The following XPR1 variants were observed in gnomAD, a reference collection of about 807,000 sequenced individuals.
XPR1 encodes the protein xenotropic and polytropic retrovirus receptor 1, also known as solute carrier family 53 member 1.
XPR1 carries 28 observed loss-of-function variants against 87.5 expected under a neutral mutation model. The observed-to-expected ratio is 0.32, with a 90% CI of 0.24 to 0.44. The LOEUF (loss-of-function observed/expected upper bound fraction) is 0.44, where lower values mean the gene tolerates loss of function less well. Ranked by LOEUF, XPR1 falls within the 20% of genes least tolerant of loss-of-function variation. XPR1 has a pLI of 1.00. For missense variants in XPR1, 559 were observed against 862.3 expected, an observed-to-expected ratio of 0.65 and a Z score of 4.41; for synonymous variants, 300 against 306.1, an observed-to-expected ratio of 0.98 and a Z score of 0.21.
intron 10 of XPR1, 32 bp from the exon 11 acceptor site, chr1:180,836,490 A>G (rs1229962268): frequency 3.7e-6 from 6 of 1,611,570 alleles, no homozygotes; most frequent in South Asian, 2.2e-5. Flanking sequence ...CTTTTTTTCA[A>G]TGGTAATTTT....
rs939637033 is a variant in XPR1 at position 180,885,625 on chromosome 1, C to A, written c.*1559C>A. ...GACATGGTAAAATGTGTTTTAATAA[C>A]CCCCAGACCCAAATGAAAATTTCAA... is the stretch of plus-strand genomic sequence containing the variant. On this transcript the variant is annotated 3_prime_UTR_variant, in exon 15 of 15. Transcript: ENST00000367590. The A allele has an allele frequency of 6.6e-5, 10 of 152,098 alleles. No individual in the cohort carries two copies. The highest frequency in any genetic ancestry group is 1.5e-4 in the Non-Finnish European group (10 of 68,028). 9.4% of individuals were successfully genotyped at this position (152,098 alleles called of 1,614,324 possible). A position where few individuals can be genotyped will look rare whatever the true frequency, so the allele number is the denominator to read the frequency against.
At chr1:180,835,168 T>A in intron 10 of XPR1, 123 bp downstream of exon 10, 3 of 1,081,078 alleles carry the variant, frequency 2.8e-6, no homozygotes, top group Non-Finnish European at 2.5e-6. Flanking sequence ...TAAACTTAAT[T>A]TAATGTACTT....
intron 1 of XPR1, among the ~76,000 whole-genome samples, chr1:180,664,720 A>G (rs763743649): frequency 1.3e-5 from 2 of 152,186 alleles, no homozygotes; most frequent in Non-Finnish European, 2.9e-5. Context: ...GTCCTGCCTA[A>G]GAGTTGCAGT....
intron 1 of XPR1, among the ~76,000 whole-genome samples, chr1:180,645,738 T>A (rs1294644838): frequency 8.5e-5 from 13 of 152,180 alleles, no homozygotes; most frequent in Admixed American, 7.2e-4. Flanking sequence ...TGTTAATAAT[T>A]TTAGTCACAT....
chr1:180,732,207 AAAAG>A (rs1414570751), intron 2 of XPR1, among the ~76,000 whole-genome samples: 26 of 151,770 alleles, frequency 1.7e-4, no homozygotes, highest in Admixed American at 3.3e-4. Flanking sequence ...AAAAAAAAAA[AAAAG>A]AAGTAAAATA....
chr1:180,878,730 T>C (rs899844080), intron 13 of XPR1, among the ~76,000 whole-genome samples: 4 of 152,232 alleles, frequency 2.6e-5, no homozygotes, highest in African/African-American at 7.2e-5. Flanking sequence ...GTCAGTTCTC[T>C]GTACTTATTT....
chr1:180,749,005 C>T (rs1647405977), intron 2 of XPR1, among the ~76,000 whole-genome samples: 1 of 152,166 alleles, frequency 6.6e-6, no homozygotes, highest in African/African-American at 2.4e-5. Flanking sequence ...TTGAGACCAG[C>T]CTGGGTAATA....
At chr1:180,813,488 T>C (rs1269005382) in intron 7 of XPR1, among the ~76,000 whole-genome samples, 3 of 152,182 alleles carry the variant, frequency 2.0e-5, no homozygotes, top group African/African-American at 7.2e-5. Context: ...TTTCTTGTGA[T>C]CTCTTTTTCC....
At chr1:180,702,523 A>C (rs1236030307) in intron 2 of XPR1, among the ~76,000 whole-genome samples, 1 of 152,010 alleles carries the variant, frequency 6.6e-6, no homozygotes, top group Non-Finnish European at 1.5e-5. Context: ...GTTATTTAAA[A>C]AGACTTGTCT....
chr1:180,675,954 A>G (rs1656356163), intron 1 of XPR1, among the ~76,000 whole-genome samples: 1 of 152,210 alleles, frequency 6.6e-6, no homozygotes, highest in Non-Finnish European at 1.5e-5. Context: ...GGGCCTCTTA[A>G]TCAGATGAAC....
chr1:180,786,177 G>A (rs779324876), intron 2 of XPR1, among the ~76,000 whole-genome samples: 1 of 149,604 alleles, frequency 6.7e-6, no homozygotes, highest in African/African-American at 2.4e-5. Context: ...TAAAAGTTTT[G>A]TGCAGTCTTA....
At chr1:180,801,021 G>C (rs1649761870) in intron 3 of XPR1, among the ~76,000 whole-genome samples, 1 of 152,076 alleles carries the variant, frequency 6.6e-6, no homozygotes, top group South Asian at 2.1e-4. Flanking sequence ...TCTTTCCTAG[G>C]GATAACCATG....
intron 3 of XPR1, 78 bp from the exon 4 acceptor site, chr1:180,803,310 G>A (rs1649862804): frequency 2.3e-6 from 3 of 1,322,750 alleles, no homozygotes; most frequent in Admixed American, 4.7e-5. Flanking sequence ...GGGAGCAAAT[G>A]GGAATTATTA....
intron 1 of XPR1, among the ~76,000 whole-genome samples, chr1:180,661,237 G>A (rs1249836165): frequency 6.6e-6 from 1 of 151,514 alleles, no homozygotes; most frequent in East Asian, 1.9e-4. Context: ...GTCTTAGAGT[G>A]TCTTTATAGG....
intron 1 of XPR1, among the ~76,000 whole-genome samples, chr1:180,672,150 CAT>C (rs1656202584): frequency 6.6e-6 from 1 of 152,162 alleles, no homozygotes; most frequent in African/African-American, 2.4e-5. Flanking sequence ...TATAACATGA[CAT>C]ATTCCAAATT....
At chr1:180,848,607 T>C (rs1418565764) in intron 11 of XPR1, among the ~76,000 whole-genome samples, 1 of 152,176 alleles carries the variant, frequency 6.6e-6, no homozygotes, top group African/African-American at 2.4e-5. Flanking sequence ...CTATTGTGAA[T>C]AGTGCTGCAG....
intron 2 of XPR1, among the ~76,000 whole-genome samples, chr1:180,746,374 T>C (rs979364643): frequency 2.6e-5 from 4 of 152,224 alleles, no homozygotes; most frequent in African/African-American, 9.6e-5. Flanking sequence ...ATACAGTATT[T>C]GGTTTTCCAT....
chr1:180,748,575 C>T (rs1463550351), intron 2 of XPR1, among the ~76,000 whole-genome samples: 2 of 151,486 alleles, frequency 1.3e-5, no homozygotes, highest in Admixed American at 6.6e-5. Flanking sequence ...TGCGCCACCA[C>T]GCCCGGCTAA....
intron 11 of XPR1, among the ~76,000 whole-genome samples, chr1:180,840,612 C>T (rs1420993082): frequency 1.4e-5 from 2 of 143,840 alleles, no homozygotes; most frequent in African/African-American, 5.1e-5. Flanking sequence ...ATTTTTTGCC[C>T]ACAGTAAAAG....
Sources: gnomAD v4.1 joint callset for allele counts (sites outside exome capture counted in the v4.1 genomes callset) on GRCh38, gnomAD v4.1.1 for gene constraint, MANE v1.5 for transcripts, NCBI Gene and HGNC (gene_info 2026-07-23, HGNC 2026-07-21) for gene names.